MAGI1: variants seen among roughly 807,000 people sequenced by gnomAD.
MAGI1 encodes membrane associated guanylate kinase, WW and PDZ domain containing 1, also known as membrane-associated guanylate kinase, WW and PDZ domain-containing protein 1.
In MAGI1, 58 loss-of-function variants were observed where a neutral mutation model predicts 139.9. That is an observed-to-expected ratio of 0.41 (90% CI 0.34 to 0.52). The LOEUF (loss-of-function observed/expected upper bound fraction) is 0.52. MAGI1 is among the 20% of genes least tolerant of loss of function. The pLI, the probability that MAGI1 is intolerant of heterozygous loss-of-function variation, is 0.12. For missense variants in MAGI1, 1,874 were observed against 1,901.6 expected (o/e 0.99, Z 0.27); for synonymous variants, 812 against 737.9 (o/e 1.10, Z -1.63).
At position 65,853,233 on chromosome 3, in the gene MAGI1, A is replaced by G. The variant is rs111745626; in HGVS notation, c.313+184763T>C. Among the ~76,000 whole-genome samples the G allele has an allele frequency of 3.7e-3, 563 of 152,316 alleles. 4 individuals carry two copies. The highest frequency in any genetic ancestry group is 0.013 in the African/African-American group (535 of 41,572). ...ACATCAGCAGCATCTTTGTTAATTC[A>G]TAACTCAAGATTTAAAAATAAGTCT... On this transcript the variant is annotated intron_variant, in intron 1 of 22. Coordinates refer to ENST00000402939, the MANE Select transcript of MAGI1 (RefSeq NM_001033057.2).
chr3:65,397,066 G>T (rs955765426), intron 13 of MAGI1, among the ~76,000 whole-genome samples: 1 of 152,192 alleles, frequency 6.6e-6, no homozygotes, highest in African/African-American at 2.4e-5. Flanking sequence ...GAGAGGCAAG[G>T]AGACTGACTG....
At chr3:65,717,401 G>A (rs1427334412) in intron 1 of MAGI1, 6 of 152,298 alleles carry the variant, frequency 3.9e-5, no homozygotes, top group Admixed American at 6.5e-5. Context: ...TTTCCAGCAC[G>A]AGATGGAGAT....
intron 12 of MAGI1, among the ~76,000 whole-genome samples, chr3:65,402,582 T>G (rs534305368): frequency 6.6e-6 from 1 of 152,310 alleles, no homozygotes; most frequent in East Asian, 1.9e-4. Flanking sequence ...ATGCTTGGGA[T>G]CTGGTGATGC....
intron 1 of MAGI1, among the ~76,000 whole-genome samples, chr3:65,641,372 TA>T (rs1188766919): frequency 2.0e-5 from 3 of 152,172 alleles, no homozygotes; most frequent in Non-Finnish European, 2.9e-5. Flanking sequence ...CACCAGCGCC[TA>T]GGCCCCCACT....
At chr3:65,443,136 T>C (rs949889510) in intron 7 of MAGI1, among the ~76,000 whole-genome samples, 5 of 152,200 alleles carry the variant, frequency 3.3e-5, no homozygotes, top group Admixed American at 6.5e-5. Flanking sequence ...AGTGAAAATA[T>C]AGGTTAAACT....
intron 2 of MAGI1, among the ~76,000 whole-genome samples, chr3:65,569,204 C>G (rs950931768): frequency 1.3e-5 from 2 of 152,060 alleles, no homozygotes; most frequent in Admixed American, 6.6e-5. Context: ...TTGCATGATT[C>G]CTCTTATAAG....
intron 13 of MAGI1, among the ~76,000 whole-genome samples, chr3:65,400,301 C>T (rs1173708703): frequency 6.6e-6 from 1 of 152,158 alleles, no homozygotes; most frequent in Non-Finnish European, 1.5e-5. Flanking sequence ...GCAGGTTTTT[C>T]TCTTTGGAGA....
chr3:65,987,850 T>A (rs1236734294), intron 1 of MAGI1, among the ~76,000 whole-genome samples: 2 of 152,240 alleles, frequency 1.3e-5, no homozygotes, highest in African/African-American at 2.4e-5. Context: ...ATTACAGTCA[T>A]GAGCCACTGC....
At chr3:65,561,376 G>C (rs72902231) in intron 2 of MAGI1, among the ~76,000 whole-genome samples, 1,936 of 152,152 alleles carry the variant, frequency 0.013, 33 homozygotes, top group African/African-American at 0.043. Context: ...ACTCTAACAG[G>C]ACTAAGGAGG....
At chr3:65,494,732 G>A (rs1016963900) in intron 2 of MAGI1, among the ~76,000 whole-genome samples, 35 of 152,296 alleles carry the variant, frequency 2.3e-4, no homozygotes, top group Non-Finnish European at 4.0e-4. Flanking sequence ...GCCTAGTGGC[G>A]CTGAAGTTCT....
At chr3:65,929,769 A>G (rs1576112879) in intron 1 of MAGI1, among the ~76,000 whole-genome samples, 2 of 152,294 alleles carry the variant, frequency 1.3e-5, no homozygotes, top group South Asian at 4.1e-4. Context: ...CCCACAAACA[A>G]AAGGGCCTCA....
intron 3 of MAGI1, among the ~76,000 whole-genome samples, chr3:65,481,242 C>T (rs552305812): frequency 2.0e-5 from 3 of 152,110 alleles, no homozygotes; most frequent in Non-Finnish European, 4.4e-5. Context: ...AAAGGCATTC[C>T]ACATGTGTCT....
chr3:65,684,446 T>C (rs1182069550), intron 1 of MAGI1, among the ~76,000 whole-genome samples: 1 of 152,150 alleles, frequency 6.6e-6, no homozygotes, highest in Non-Finnish European at 1.5e-5. Flanking sequence ...TCCATTAATA[T>C]AAAATTTCTG....
intron 2 of MAGI1, among the ~76,000 whole-genome samples, chr3:65,559,977 A>G (rs1436005132): frequency 1.3e-5 from 2 of 152,130 alleles, no homozygotes; most frequent in African/African-American, 4.8e-5. Context: ...TCGTGGCTAC[A>G]ATGAGCCAAG....
At chr3:65,620,827 T>C (rs2083628190) in intron 2 of MAGI1, among the ~76,000 whole-genome samples, 1 of 152,206 alleles carries the variant, frequency 6.6e-6, no homozygotes, top group Non-Finnish European at 1.5e-5. Flanking sequence ...GCCTCTGTTT[T>C]ATTAATGAGT....
intron 2 of MAGI1, chr3:65,597,746 T>C (rs1056226431): frequency 2.2e-6 from 1 of 456,558 alleles, no homozygotes; most frequent in East Asian, 7.0e-5. Context: ...AGCGGAGCGT[T>C]CGAATCCAGA....
intron 1 of MAGI1, among the ~76,000 whole-genome samples, chr3:65,910,654 C>T (rs1055360119): frequency 1.3e-5 from 2 of 152,002 alleles, no homozygotes; most frequent in African/African-American, 4.8e-5. Context: ...CTTAAAACAT[C>T]CTGCGTTAGA....
intron 1 of MAGI1, among the ~76,000 whole-genome samples, chr3:65,802,524 T>C (rs2108138483): frequency 6.6e-6 from 1 of 152,290 alleles, no homozygotes; most frequent in East Asian, 1.9e-4. Flanking sequence ...TTCAAGGCCC[T>C]CTAAAAATGT....
At chr3:65,689,185 G>A (rs1242918379) in intron 1 of MAGI1, among the ~76,000 whole-genome samples, 1 of 152,182 alleles carries the variant, frequency 6.6e-6, no homozygotes, top group East Asian at 1.9e-4. Context: ...CACTTCCCTT[G>A]AACAATCTTT....
Sources: gnomAD v4.1 joint callset for allele counts (sites outside exome capture counted in the v4.1 genomes callset) on GRCh38, gnomAD v4.1.1 for gene constraint, MANE v1.5 for transcripts, NCBI Gene and HGNC (gene_info 2026-07-23, HGNC 2026-07-21) for gene names.